NEIL3: variants seen among roughly 807,000 people sequenced by gnomAD.
NEIL3 encodes the protein endonuclease 8-like 3.
A neutral mutation model predicts 57.5 loss-of-function variants in NEIL3; 48 were observed. The ratio of observed to expected loss-of-function variants is 0.83; its 90% confidence interval spans 0.66 to 1.06. NEIL3 has a LOEUF of 1.06. Among genes scored for constraint, NEIL3 ranks in the 50% least tolerant of loss-of-function variants. The pLI, the probability that NEIL3 is intolerant of heterozygous loss-of-function variation, is 0.00. For missense variants in NEIL3, 717 were observed against 739.1 expected, an observed-to-expected ratio of 0.97 and a Z score of 0.35; for synonymous variants, 261 against 253.2, an observed-to-expected ratio of 1.03 and a Z score of -0.29.
chr4:177,368,742 GA>G, the NEIL3 span, among the ~76,000 whole-genome samples: 6 of 152,176 alleles, frequency 3.9e-5, no homozygotes, highest in Admixed American at 3.3e-4. Flanking sequence ...AGTGTTACTG[GA>G]AAATTCCTGT....
intron 1 of NEIL3, among the ~76,000 whole-genome samples, chr4:177,312,362 T>A (rs1734493227): frequency 1.3e-5 from 2 of 151,836 alleles, no homozygotes; most frequent in Non-Finnish European, 3.0e-5. Context: ...TCTTTATTGC[T>A]TTTTTAGCAT....
chr4:177,334,704 A>G (rs564877706), intron 2 of NEIL3, among the ~76,000 whole-genome samples: 6 of 152,278 alleles, frequency 3.9e-5, no homozygotes, highest in Non-Finnish European at 8.8e-5. Context: ...TAAAACCCAC[A>G]TTTTTAAAGT....
At chr4:177,339,183 C>G (rs1560914809) in intron 4 of NEIL3, among the ~76,000 whole-genome samples, 1 of 152,180 alleles carries the variant, frequency 6.6e-6, no homozygotes, top group Non-Finnish European at 1.5e-5. Context: ...CTACTAATAG[C>G]CTACTGTTGA....
At chr4:177,348,034 A>G (rs1228244008) in intron 6 of NEIL3, among the ~76,000 whole-genome samples, 1 of 152,194 alleles carries the variant, frequency 6.6e-6, no homozygotes, top group Non-Finnish European at 1.5e-5. Context: ...TTGGCTGTTG[A>G]TAGTGACACA....
chr4:177,313,030 G>T (rs17675452), intron 1 of NEIL3, among the ~76,000 whole-genome samples: 28,868 of 152,182 alleles, frequency 0.19, 2,829 homozygotes, highest in Middle Eastern at 0.26. Context: ...ATGCCAAAGA[G>T]TTAAAGCTAT....
In NEIL3 at chr4:177,362,460, C is replaced by A; in HGVS notation, c.1807C>A (p.Pro603Thr). ...AENGPGIKII[P>T]GC ...AAATGGGCCAGGAATAAAAATTATT[C>A]CTGGATGCTAATATCTGTAGATTCT... Residue 603 changes from proline to threonine, a missense_variant, in exon 10 of 10, where the codon CCT becomes ACT. Physicochemically the swap from Pro to Thr is conservative, Grantham distance 38. Transcript: ENST00000264596. The A allele has an allele frequency of 3.7e-6, 6 of 1,610,710 alleles. No individual in the cohort carries two copies. Among genetic ancestry groups the A allele is most frequent in the Non-Finnish European group, 5.1e-6 (6 of 1,178,022 alleles).
intron 1 of NEIL3, among the ~76,000 whole-genome samples, chr4:177,320,956 T>C (rs1734672662): frequency 6.6e-6 from 1 of 150,578 alleles, no homozygotes; most frequent in Admixed American, 6.6e-5. Context: ...ATAGTGTCTG[T>C]CTCTTTTTTT....
intron 6 of NEIL3, among the ~76,000 whole-genome samples, chr4:177,350,492 A>G (rs1438309771): frequency 6.6e-6 from 1 of 152,206 alleles, no homozygotes; most frequent in Non-Finnish European, 1.5e-5. Context: ...TTGCTAATCT[A>G]TTAATTGGCT....
chr4:177,353,459 T>C lies in NEIL3; in HGVS notation c.1191T>C (p.Asn397=), dbSNP rs368292902. 6 of 1,613,790 alleles carry C rather than the reference T, an allele frequency of 3.7e-6. No individual in the cohort carries two copies. The highest frequency in any genetic ancestry group is 5.1e-6 in the Non-Finnish European group (6 of 1,179,974). Residue 397 remains asparagine (N), a synonymous_variant, in exon 8 of 10, where the codon AAT becomes AAC. Transcript: ENST00000264596. ...CTCTTGTCTTGACTGATTTTAGCAATAAATCCAGTACTTTGGAAAGAAAAA... is the reference window on the plus strand; with the variant it reads ...CTCTTGTCTTGACTGATTTTAGCAACAAATCCAGTACTTTGGAAAGAAAAA... ...TTTLVLTDFS[N]KSSTLERKTK... is the part of the protein sequence containing the mutation.
At chr4:177,310,321 C>G (rs976300591) in intron 1 of NEIL3, among the ~76,000 whole-genome samples, 1 of 152,320 alleles carries the variant, frequency 6.6e-6, no homozygotes, top group Admixed American at 6.5e-5. Flanking sequence ...TCTGGGCTCA[C>G]GCTGCCGGAG....
At chr4:177,368,337 A>G in the NEIL3 span, among the ~76,000 whole-genome samples, 3 of 152,188 alleles carry the variant, frequency 2.0e-5, no homozygotes, top group South Asian at 4.1e-4. Context: ...GTACTTTTCT[A>G]AAGGTACTTA....
chr4:177,311,055 A>G (rs1245036344), intron 1 of NEIL3, among the ~76,000 whole-genome samples: 1 of 151,986 alleles, frequency 6.6e-6, no homozygotes, highest in Non-Finnish European at 1.5e-5. Context: ...GCCAGTAAGT[A>G]CTCTGTACCT....
chr4:177,310,153 A>G (rs751395678), intron 1 of NEIL3, 44 bp downstream of exon 1: 2 of 1,495,820 alleles, frequency 1.3e-6, no homozygotes, highest in African/African-American at 1.5e-5. Context: ...CAGGGGGGAA[A>G]TGGAATAAAG....
chr4:177,351,178 T>C (rs1275292357), intron 6 of NEIL3, among the ~76,000 whole-genome samples: 2 of 114,008 alleles, frequency 1.8e-5, no homozygotes, highest in African/African-American at 7.1e-5. Context: ...CGCTGCAACC[T>C]GGATGACAGA....
Position 177,362,788 on chromosome 4 carries a change from GTTTTT to G in NEIL3, c.*323_*327del, listed in dbSNP as rs546533976. 4.2e-3 allele frequency: 691 copies of G among 164,380 alleles called. 8 individuals are homozygous for G. The highest frequency in any genetic ancestry group is 0.016 in the African/African-American group (647 of 40,564). The allele number at this position is 164,380 out of a possible 1,614,324, so 10.2% of individuals were successfully genotyped here. ...TCTCTTGTAACTGGGGAGAAGCAGT[GTTTTT>G]TTTTTAGGAAAGGATTATGCGACAC... On this transcript the variant is annotated 3_prime_UTR_variant, in exon 10 of 10. Coordinates refer to ENST00000264596, the MANE Select transcript of NEIL3 (RefSeq NM_018248.3).
At chr4:177,356,062 G>T (rs747981897) in intron 8 of NEIL3, among the ~76,000 whole-genome samples, 2 of 152,036 alleles carry the variant, frequency 1.3e-5, no homozygotes, top group Non-Finnish European at 2.9e-5. Context: ...GAGTTGGGAG[G>T]CTGTCCTGGA....
intron 1 of NEIL3, among the ~76,000 whole-genome samples, chr4:177,317,965 C>T (rs1271402424): frequency 6.6e-6 from 1 of 152,228 alleles, no homozygotes; most frequent in East Asian, 1.9e-4. Flanking sequence ...TCCAGGATAA[C>T]CTTTGATGCC....
intron 1 of NEIL3, among the ~76,000 whole-genome samples, chr4:177,313,213 A>G (rs566579505): frequency 1.3e-5 from 2 of 152,360 alleles, no homozygotes; most frequent in South Asian, 2.1e-4. Flanking sequence ...TAAACCTCAG[A>G]TAATCATACC....
At chr4:177,333,221 A>G (rs529313969) in intron 2 of NEIL3, among the ~76,000 whole-genome samples, 2 of 152,118 alleles carry the variant, frequency 1.3e-5, no homozygotes, top group East Asian at 1.9e-4. Flanking sequence ...TGAAACTGTG[A>G]CAGTACTGCT....
Sources: allele counts gnomAD v4.1 joint callset (sites outside exome capture counted in the v4.1 genomes callset), GRCh38; gene constraint gnomAD v4.1.1; transcripts MANE v1.5; gene names NCBI Gene and HGNC (gene_info 2026-07-23, HGNC 2026-07-21).